Variants in HDAC9 observed in about 807,000 individuals in gnomAD.
The protein encoded by HDAC9 is histone deacetylase 9, also known as MEF-2 interacting transcription repressor (MITR) protein.
HDAC9 carries 41 observed loss-of-function variants against 139.4 expected under a neutral mutation model. The observed-to-expected ratio is 0.29, with a 90% CI of 0.23 to 0.38. HDAC9 has a LOEUF of 0.38. HDAC9 is among the 10% of genes least tolerant of loss of function. HDAC9 has a pLI of 1.00. For missense variants in HDAC9, 1,147 were observed against 1,297.0 expected, an observed-to-expected ratio of 0.88 and a Z score of 1.78; for synonymous variants, 517 against 476.2, an observed-to-expected ratio of 1.09 and a Z score of -1.12.
At chr7:18,356,582 GCT>G (rs1783324984) in intron 1 of HDAC9, among the ~76,000 whole-genome samples, 1 of 151,808 alleles carries the variant, frequency 6.6e-6, no homozygotes, top group South Asian at 2.1e-4. Context: ...AGATCTTTCA[GCT>G]CTCTCTACAG....
chr7:18,276,484 GTTT>G (rs1796727923), intron 2 of HDAC9, among the ~76,000 whole-genome samples: 1 of 152,102 alleles, frequency 6.6e-6, no homozygotes, highest in Non-Finnish European at 1.5e-5. Context: ...TTCTGTAATT[GTTT>G]TTTAAGTGTG....
chr7:18,472,575 GAC>G (rs966511045), intron 1 of HDAC9, among the ~76,000 whole-genome samples: 5 of 152,144 alleles, frequency 3.3e-5, no homozygotes, highest in Non-Finnish European at 7.3e-5. Context: ...TTCTGTTACA[GAC>G]ACACAGAAGT....
At chr7:18,484,153 C>G (rs1246558671) in intron 1 of HDAC9, among the ~76,000 whole-genome samples, 1 of 90,870 alleles carries the variant, frequency 1.1e-5, no homozygotes, top group Non-Finnish European at 2.2e-5. Flanking sequence ...GCCTAGGCAA[C>G]AAAGCAAGAC....
chr7:18,502,360 G>A (rs1798620927), intron 2 of HDAC9: 1 of 152,096 alleles, frequency 6.6e-6, no homozygotes. Context: ...CAGAGGAGTG[G>A]GACCCATGAC....
intron 1 of HDAC9, among the ~76,000 whole-genome samples, chr7:18,329,773 C>T (rs943096510): frequency 2.6e-4 from 39 of 151,746 alleles, no homozygotes; most frequent in Middle Eastern, 3.2e-3. Flanking sequence ...TTTCACATTA[C>T]ACTCTCCTTG....
At chr7:18,352,428 A>G (rs988884460) in intron 1 of HDAC9, among the ~76,000 whole-genome samples, 2 of 152,200 alleles carry the variant, frequency 1.3e-5, no homozygotes, top group Non-Finnish European at 2.9e-5. Context: ...TAAAATTGCA[A>G]TGAAGATTAC....
At chr7:18,687,383 A>T (rs1216340057) in intron 12 of HDAC9, among the ~76,000 whole-genome samples, 1 of 151,858 alleles carries the variant, frequency 6.6e-6, no homozygotes, top group East Asian at 1.9e-4. Context: ...TCTTCTTGAA[A>T]TAACAGATAT....
chr7:18,428,327 G>A (rs980888520), intron 1 of HDAC9, among the ~76,000 whole-genome samples: 1 of 152,126 alleles, frequency 6.6e-6, no homozygotes, highest in South Asian at 2.1e-4. Context: ...AATCAACAGA[G>A]TGAAAAGGCA....
intron 21 of HDAC9, among the ~76,000 whole-genome samples, chr7:18,865,899 GAAA>G (rs1285885126): frequency 6.6e-6 from 1 of 151,584 alleles, no homozygotes; most frequent in Admixed American, 6.6e-5. Context: ...AGACTATAGA[GAAA>G]AAAGGTAGGC....
At chr7:18,154,349 G>A (rs1787012636) in intron 1 of HDAC9, among the ~76,000 whole-genome samples, 1 of 152,174 alleles carries the variant, frequency 6.6e-6, no homozygotes, top group South Asian at 2.1e-4. Context: ...TTAGATACCT[G>A]CTGTAACCCT....
In HDAC9 at chr7:18,840,555, G is replaced by T. The variant is rs376346002; in HGVS notation, c.2684+4558G>T. On this transcript the variant is annotated intron_variant, in intron 21 of 25. Transcript: ENST00000686413. ...TTTATTTTATTGACTTATGTAGGTAGTATCTGTATTTAATCGAAATGCTAT... is the reference window on the plus strand; with the variant it reads ...TTTATTTTATTGACTTATGTAGGTATTATCTGTATTTAATCGAAATGCTAT... Among the ~76,000 whole-genome samples the T allele has an allele frequency of 5.8e-4, 89 of 152,146 alleles. 1 individual carries two copies. In the South Asian group the frequency reaches 0.018, roughly 31 times the overall value.
intron 2 of HDAC9, among the ~76,000 whole-genome samples, chr7:18,165,063 A>G (rs576399346): frequency 2.6e-4 from 40 of 152,358 alleles, no homozygotes; most frequent in Admixed American, 1.1e-3. Flanking sequence ...AAGTATTTTA[A>G]TAAATTTAGG....
chr7:18,451,407 A>ATATGTG (rs1435765429), intron 1 of HDAC9, among the ~76,000 whole-genome samples: 3 of 116,570 alleles, frequency 2.6e-5, no homozygotes, highest in African/African-American at 9.1e-5. Context: ...GTGTGTATAT[A>ATATGTG]TGTGTGTGTG....
intron 2 of HDAC9, among the ~76,000 whole-genome samples, chr7:18,517,343 T>C (rs1399148294): frequency 6.6e-6 from 1 of 152,232 alleles, no homozygotes; most frequent in South Asian, 2.1e-4. Flanking sequence ...ATGTTTTATT[T>C]ACTTGCTACT....
intron 2 of HDAC9, among the ~76,000 whole-genome samples, chr7:18,273,677 A>T (rs1044099828): frequency 6.6e-6 from 1 of 152,204 alleles, no homozygotes; most frequent in Non-Finnish European, 1.5e-5. Context: ...AAAAGCACTA[A>T]TCTCAAAGGA....
intron 19 of HDAC9, among the ~76,000 whole-genome samples, chr7:18,834,696 C>T (rs932054759): frequency 1.9e-4 from 29 of 152,280 alleles, no homozygotes; most frequent in African/African-American, 7.0e-4. Context: ...GATTTAAGAG[C>T]TAATGAGCTC....
At chr7:18,584,279 C>G (rs1828771580) in intron 2 of HDAC9, among the ~76,000 whole-genome samples, 1 of 151,670 alleles carries the variant, frequency 6.6e-6, no homozygotes, top group Admixed American at 6.6e-5. Flanking sequence ...CAGGCACCCG[C>G]CACCACACCC....
At chr7:18,486,129 T>C (rs573006025) in intron 1 of HDAC9, among the ~76,000 whole-genome samples, 27 of 152,238 alleles carry the variant, frequency 1.8e-4, no homozygotes, top group Middle Eastern at 3.4e-3. Flanking sequence ...AACAAACCCA[T>C]TTATGATAAT....
intron 11 of HDAC9, among the ~76,000 whole-genome samples, chr7:18,655,279 G>T (rs1165462040): frequency 6.6e-6 from 1 of 152,022 alleles, no homozygotes; most frequent in Non-Finnish European, 1.5e-5. Flanking sequence ...ATTACATTTT[G>T]CCCATTACAT....
Sources: allele counts gnomAD v4.1 joint callset (sites outside exome capture counted in the v4.1 genomes callset), GRCh38; gene constraint gnomAD v4.1.1; transcripts MANE v1.5; gene names NCBI Gene and HGNC (gene_info 2026-07-23, HGNC 2026-07-21).